Variants in COBL observed in about 807,000 individuals in gnomAD.
The protein encoded by COBL is protein cordon-bleu.
Under a neutral mutation model 98.8 loss-of-function variants are expected in COBL, and 51 were observed. The ratio of observed to expected loss-of-function variants is 0.52; its 90% CI spans 0.41 to 0.65. The LOEUF (loss-of-function observed/expected upper bound fraction) is 0.65. COBL is among the 30% of genes least tolerant of loss of function. The probability of loss-of-function intolerance (pLI) is 0.00; values close to 1 mark genes in which losing one functional copy is unlikely to be tolerated. For missense variants in COBL, 1,617 were observed against 1,617.5 expected, an observed-to-expected ratio of 1.00 and a Z score of 0.01; for synonymous variants, 634 against 651.7, an observed-to-expected ratio of 0.97 and a Z score of 0.41.
chr7:51,125,457 T>C (rs934996265), intron 6 of COBL, among the ~76,000 whole-genome samples: 4 of 152,314 alleles, frequency 2.6e-5, no homozygotes, highest in Admixed American at 2.0e-4. Context: ...TTGGCAGCCC[T>C]AGAAAACTTA....
chr7:51,180,046 T>C (rs1015934882), intron 5 of COBL, among the ~76,000 whole-genome samples: 1 of 152,258 alleles, frequency 6.6e-6, no homozygotes, highest in African/African-American at 2.4e-5. Flanking sequence ...TCATTCTACC[T>C]GATTTCTCCA....
intron 4 of COBL, among the ~76,000 whole-genome samples, chr7:51,190,479 G>A (rs968300776): frequency 6.6e-6 from 1 of 152,150 alleles, no homozygotes; most frequent in Admixed American, 6.5e-5. Context: ...GCCTCTCAAA[G>A]TGCCAGGATT....
chr7:51,082,304 C>T lies in COBL; in HGVS notation c.1096+2862G>A, dbSNP rs554181516. 1.3e-3 allele frequency among the ~76,000 whole-genome samples: 193 copies of T among 152,276 alleles called. 1 individual carries two copies. Among genetic ancestry groups the T allele is most frequent in the African/African-American group, 4.4e-3 (182 of 41,580 alleles). On this transcript the variant is annotated intron_variant, in intron 7 of 12. Coordinates refer to ENST00000265136, the MANE Select transcript of COBL (RefSeq NM_015198.5). ...ATGGCACTTGCTTTATCAGAAGTGT[C>T]GCCGCCCAGCTGAGACATACTGAAG...
At chr7:51,202,013 A>T (rs1182851146) in intron 2 of COBL, among the ~76,000 whole-genome samples, 1 of 152,052 alleles carries the variant, frequency 6.6e-6, no homozygotes, top group African/African-American at 2.4e-5. Flanking sequence ...TACTCTACCC[A>T]CCTACTAGTC....
chr7:51,228,226 C>T (rs1305972203), intron 1 of COBL, among the ~76,000 whole-genome samples: 3 of 151,960 alleles, frequency 2.0e-5, no homozygotes, highest in Admixed American at 1.3e-4. Flanking sequence ...CCTCAGTTTC[C>T]CCAAGAGCTG....
At chr7:51,171,567 CTTA>C (rs1490594471) in intron 5 of COBL, among the ~76,000 whole-genome samples, 1 of 152,076 alleles carries the variant, frequency 6.6e-6, no homozygotes, top group Non-Finnish European at 1.5e-5. Flanking sequence ...TGTCTTTCAT[CTTA>C]TTAATGTCTT....
intron 1 of COBL, among the ~76,000 whole-genome samples, chr7:51,244,448 C>T (rs1177197122): frequency 6.6e-6 from 1 of 152,222 alleles, no homozygotes; most frequent in Non-Finnish European, 1.5e-5. Context: ...TAGCCACTCA[C>T]ATGTCCAAAA....
intron 6 of COBL, among the ~76,000 whole-genome samples, chr7:51,099,091 CA>C (rs542571317): frequency 0.017 from 1,637 of 95,338 alleles, 12 homozygotes; most frequent in Non-Finnish European, 0.025. Flanking sequence ...TGGCCACTAT[CA>C]AAAAAAAAAA....
chr7:51,189,990 T>TA (rs1789939864), intron 4 of COBL, among the ~76,000 whole-genome samples: 1 of 152,176 alleles, frequency 6.6e-6, no homozygotes, highest in Non-Finnish European at 1.5e-5. Context: ...TGTGGCCTCA[T>TA]ACTAAAAGCC....
intron 7 of COBL, among the ~76,000 whole-genome samples, chr7:51,066,836 T>C (rs1257136458): frequency 6.6e-6 from 1 of 152,230 alleles, no homozygotes. Context: ...AATAGCCAGA[T>C]GGAGGCAGAC....
chr7:51,162,502 T>C (rs761676491), intron 5 of COBL, among the ~76,000 whole-genome samples: 1 of 152,112 alleles, frequency 6.6e-6, no homozygotes, highest in Non-Finnish European at 1.5e-5. Context: ...CCATCTACAT[T>C]AGGATTTTTT....
intron 2 of COBL, among the ~76,000 whole-genome samples, chr7:51,206,273 C>T (rs1791693741): frequency 6.6e-6 from 1 of 152,116 alleles, no homozygotes; most frequent in African/African-American, 2.4e-5. Context: ...GGGTGGATCA[C>T]CTGAGGTCAA....
chr7:51,211,678 A>T (rs991678386), intron 2 of COBL, among the ~76,000 whole-genome samples: 3 of 152,200 alleles, frequency 2.0e-5, no homozygotes, highest in East Asian at 3.8e-4. Context: ...CTTTGAAGCA[A>T]TGCAGAATAG....
At chr7:51,237,337 C>A (rs1299352788) in intron 1 of COBL, among the ~76,000 whole-genome samples, 2 of 152,096 alleles carry the variant, frequency 1.3e-5, no homozygotes, top group Non-Finnish European at 2.9e-5. Flanking sequence ...TCTCTGCATC[C>A]TCATAATAAT....
At position 51,167,616 on chromosome 7, in the gene COBL, TCA is replaced by T. The variant is rs1383773047; in HGVS notation, c.783+16484_783+16485del. On this transcript the variant is annotated intron_variant, in intron 5 of 12. Coordinates refer to ENST00000265136, the MANE Select transcript of COBL (RefSeq NM_015198.5). ...TGGAACTATAAAAGAGCGAGAATAG[TCA>T]AAGCTATCCTAAGCAAAAATAACAA... 3.3e-5 allele frequency among the ~76,000 whole-genome samples: 5 copies of T among 151,990 alleles called. No individual in the cohort carries two copies. In the East Asian group the frequency reaches 7.7e-4, roughly 23 times the overall value.
chr7:51,224,948 C>T (rs574519402), intron 1 of COBL, among the ~76,000 whole-genome samples: 1 of 149,894 alleles, frequency 6.7e-6, no homozygotes, highest in Non-Finnish European at 1.5e-5. Flanking sequence ...CCCGTGCATG[C>T]GGGGGCGGCC....
chr7:51,075,000 T>C (rs1325659671), intron 7 of COBL, among the ~76,000 whole-genome samples: 2 of 152,210 alleles, frequency 1.3e-5, no homozygotes, highest in Non-Finnish European at 2.9e-5. Flanking sequence ...AGTCAATTAT[T>C]ACCGTTAACA....
At chr7:51,157,245 G>C (rs868707724) in intron 5 of COBL, among the ~76,000 whole-genome samples, 1 of 152,042 alleles carries the variant, frequency 6.6e-6, no homozygotes, top group African/African-American at 2.4e-5. Flanking sequence ...TGGTGGTGTG[G>C]GCCTGTAATC....
intron 1 of COBL, among the ~76,000 whole-genome samples, chr7:51,307,450 C>A (rs1043730271): frequency 6.6e-6 from 1 of 152,196 alleles, no homozygotes; most frequent in Non-Finnish European, 1.5e-5. Context: ...CTCCCACACA[C>A]AAGGAGCAGG....
Sources: gnomAD v4.1 joint callset for allele counts (sites outside exome capture counted in the v4.1 genomes callset) on GRCh38, gnomAD v4.1.1 for gene constraint, MANE v1.5 for transcripts, NCBI Gene and HGNC (gene_info 2026-07-23, HGNC 2026-07-21) for gene names.